Variants in RASEF observed in about 807,000 individuals in gnomAD.
RASEF encodes RAS and EF-hand domain containing, also known as ras and EF-hand domain-containing protein.
Under a neutral mutation model 90.1 loss-of-function variants are expected in RASEF, and 68 were observed. The ratio of observed to expected loss-of-function variants is 0.75; its 90% confidence interval spans 0.62 to 0.92. RASEF has a LOEUF of 0.92. RASEF is among the 40% of genes least tolerant of loss of function. The pLI is 0.00. For missense variants in RASEF, 949 were observed against 937.2 expected (o/e 1.01, Z -0.16); for synonymous variants, 331 against 345.2 (o/e 0.96, Z 0.46).
the RASEF span, among the ~76,000 whole-genome samples, chr9:83,206,766 G>T: frequency 6.6e-6 from 1 of 152,162 alleles, no homozygotes; most frequent in African/African-American, 2.4e-5. Context: ...CCAACAAATT[G>T]CTGCTCATGA....
At chr9:83,217,786 A>G in the RASEF span, among the ~76,000 whole-genome samples, 4 of 152,210 alleles carry the variant, frequency 2.6e-5, no homozygotes, top group African/African-American at 9.6e-5. Context: ...CATTCATAAA[A>G]ATAGAGTTGG....
At chr9:83,034,762 T>C (rs1223652338) in intron 1 of RASEF, among the ~76,000 whole-genome samples, 2 of 152,220 alleles carry the variant, frequency 1.3e-5, no homozygotes, top group Non-Finnish European at 2.9e-5. Context: ...TAGATTTAAA[T>C]GCTTCCTCCA....
At chr9:83,207,898 G>A in the RASEF span, among the ~76,000 whole-genome samples, 136 of 152,206 alleles carry the variant, frequency 8.9e-4, 1 homozygote, top group Non-Finnish European at 1.5e-3. Flanking sequence ...GAACCACCGC[G>A]CCTGGCCAAG....
At chr9:83,182,181 A>G in the RASEF span, among the ~76,000 whole-genome samples, 1 of 152,214 alleles carries the variant, frequency 6.6e-6, no homozygotes, top group African/African-American at 2.4e-5. Flanking sequence ...CCCTCTCACT[A>G]TAAAAAATGC....
chr9:83,159,173 G>T, the RASEF span, among the ~76,000 whole-genome samples: 2 of 134,850 alleles, frequency 1.5e-5, no homozygotes, highest in Non-Finnish European at 3.1e-5. Flanking sequence ...GCGACAGAGC[G>T]AGACTCCGTC....
chr9:83,151,458 A>G, the RASEF span, among the ~76,000 whole-genome samples: 1 of 152,188 alleles, frequency 6.6e-6, no homozygotes, highest in Non-Finnish European at 1.5e-5. Context: ...TAGACTTCTT[A>G]GTATGTAGGT....
chr9:83,094,485 A>G, the RASEF span, among the ~76,000 whole-genome samples: 3 of 152,108 alleles, frequency 2.0e-5, no homozygotes, highest in African/African-American at 7.2e-5. Context: ...TTATATTTCT[A>G]TTGAAAATAC....
intron 1 of RASEF, chr9:83,049,240 C>T (rs975740942): frequency 2.6e-5 from 21 of 822,152 alleles, no homozygotes; most frequent in Admixed American, 6.2e-5. Flanking sequence ...CTTGTACCAA[C>T]AGCATCAGTA....
At chr9:83,123,185 G>C in the RASEF span, among the ~76,000 whole-genome samples, 8 of 146,102 alleles carry the variant, frequency 5.5e-5, no homozygotes, top group Admixed American at 5.0e-4. Flanking sequence ...GGTTGCAGTG[G>C]GCCCAGATTG....
the RASEF span, among the ~76,000 whole-genome samples, chr9:83,111,216 G>T: frequency 6.6e-6 from 1 of 152,160 alleles, no homozygotes; most frequent in African/African-American, 2.4e-5. Context: ...ACGGCAAATT[G>T]CATGCAATGA....
intron 4 of RASEF, among the ~76,000 whole-genome samples, chr9:83,014,406 T>G (rs2118521480): frequency 6.6e-6 from 1 of 152,276 alleles, no homozygotes; most frequent in Non-Finnish European, 1.5e-5. Flanking sequence ...CTTCAAGTGA[T>G]CCTTCCACCC....
chr9:83,127,260 C>T, the RASEF span, among the ~76,000 whole-genome samples: 1 of 152,152 alleles, frequency 6.6e-6, no homozygotes, highest in Non-Finnish European at 1.5e-5. Context: ...CTATTGGTGA[C>T]CAAGTCACAA....
chr9:82,997,111 G>C lies in RASEF; in HGVS notation c.1821C>G (p.Ala607=). The C allele has an allele frequency of 6.2e-7, 1 of 1,606,814 alleles. No individual in the cohort carries two copies. The highest frequency in any genetic ancestry group is 8.5e-7 in the Non-Finnish European group (1 of 1,173,482). ...TAGQERFRSI[A]KSYFRKADGV... Reference sequence around the variant, plus strand: ...CATCTGCCTTTCTGAAGTAAGACTTGGCAATACTTCTGAATCTGAGAAAGA... The same window carrying C: ...CATCTGCCTTTCTGAAGTAAGACTTCGCAATACTTCTGAATCTGAGAAAGA... Residue 607 remains alanine, a synonymous_variant, in exon 14 of 17, where the codon GCC becomes GCG. Coordinates refer to ENST00000376447, the MANE Select transcript of RASEF (RefSeq NM_152573.4).
the RASEF span, among the ~76,000 whole-genome samples, chr9:83,109,732 G>A: frequency 6.6e-6 from 1 of 152,246 alleles, no homozygotes; most frequent in East Asian, 1.9e-4. Flanking sequence ...CTGACAATTT[G>A]TTAATCAAAA....
chr9:83,215,622 C>T, the RASEF span, among the ~76,000 whole-genome samples: 4 of 152,304 alleles, frequency 2.6e-5, no homozygotes, highest in African/African-American at 9.6e-5. Flanking sequence ...TACCCAGTCT[C>T]AGGTATGTCT....
chr9:83,005,476 G>T lies in RASEF; in HGVS notation c.1053C>A (p.Asp351Glu), dbSNP rs1470935680. Reference protein sequence around the residue: ...ILQTANRKLHDSNDGLRSALE... With the variant: ...ILQTANRKLHESNDGLRSALE... Reference sequence around the variant, plus strand: ...GGGCACTTCTAAGGCCATCATTACTGTCATGTAGCTTCCGGTTAGCTGTTC... The same window carrying T: ...GGGCACTTCTAAGGCCATCATTACTTTCATGTAGCTTCCGGTTAGCTGTTC... Residue 351 changes from aspartate (D) to glutamate (E), a missense_variant, in exon 8 of 17, where the codon GAC becomes GAA. By Grantham distance (45) the Asp-to-Glu change is conservative (BLOSUM62 2). Around this residue, in one of 3 missense-constraint regions of RASEF, gnomAD observed 656 missense variants for 592.2 expected, o/e 1.11. Transcript: ENST00000376447. The T allele has an allele frequency of 3.1e-6, 5 of 1,613,806 alleles. No individual in the cohort carries two copies. In the Admixed American group the frequency reaches 6.7e-5, roughly 22 times the overall value.
At chr9:83,133,847 G>T in the RASEF span, among the ~76,000 whole-genome samples, 4 of 152,048 alleles carry the variant, frequency 2.6e-5, no homozygotes, top group African/African-American at 9.7e-5. Context: ...CTCTTACTGA[G>T]CTCTAAAACT....
At chr9:83,209,929 T>C in the RASEF span, among the ~76,000 whole-genome samples, 1 of 152,178 alleles carries the variant, frequency 6.6e-6, no homozygotes, top group South Asian at 2.1e-4. Context: ...TAAATGCATG[T>C]TTAGGTGTTG....
the RASEF span, among the ~76,000 whole-genome samples, chr9:83,167,166 A>C: frequency 5.3e-5 from 8 of 152,258 alleles, no homozygotes; most frequent in South Asian, 1.7e-3. Context: ...AGTGCCTGAC[A>C]CAAAATCAGA....
Sources: gnomAD v4.1 joint callset for allele counts (sites outside exome capture counted in the v4.1 genomes callset) on GRCh38, gnomAD v4.1.1 for gene constraint, gnomAD v4.1.1 regional missense constraint, MANE v1.5 for transcripts, NCBI Gene and HGNC (gene_info 2026-07-23, HGNC 2026-07-21) for gene names.